PIP4P2: variants seen among roughly 807,000 people sequenced by gnomAD.
PIP4P2 encodes type 2 phosphatidylinositol 4,5-bisphosphate 4-phosphatase.
In PIP4P2, 19 loss-of-function variants were observed where a neutral mutation model predicts 33.3. The ratio of observed to expected loss-of-function variants is 0.57; its 90% confidence interval spans 0.40 to 0.84. The LOEUF (loss-of-function observed/expected upper bound fraction) is 0.84. Among genes scored for constraint, PIP4P2 ranks in the 40% least tolerant of loss-of-function variants. PIP4P2 has a pLI of 0.00. For synonymous variants in PIP4P2, 110 were observed against 111.9 expected, an observed-to-expected ratio of 0.98 and a Z score of 0.11; for missense variants, 270 against 324.7, an observed-to-expected ratio of 0.83 and a Z score of 1.29.
At chr8:91,029,770 A>G (rs781567275) in intron 1 of PIP4P2, among the ~76,000 whole-genome samples, 7 of 152,118 alleles carry the variant, frequency 4.6e-5, no homozygotes, top group Non-Finnish European at 1.0e-4. Flanking sequence ...GGAGATCGAG[A>G]CCATCCTGGC....
chr8:91,027,205 G>GA (rs1277968687), intron 1 of PIP4P2, among the ~76,000 whole-genome samples: 1 of 152,180 alleles, frequency 6.6e-6, no homozygotes, highest in African/African-American at 2.4e-5. Flanking sequence ...GTTTCTCATT[G>GA]AAAGTTGGGG....
rs1292382946 is a variant in PIP4P2 at position 90,995,145 on chromosome 8, G to A, written c.*532C>T. 6.6e-6 allele frequency: 1 copy of A among 150,502 alleles called. No individual in the cohort carries two copies. The highest frequency in any genetic ancestry group is 1.5e-5 in the Non-Finnish European group (1 of 67,304). 9.3% of individuals were successfully genotyped at this position (150,502 alleles called of 1,614,324 possible). Reference sequence around the variant, plus strand: ...AAATTTTTTTTCCTCTGACAAGAATGTCAAGTCTTTGAAGTTACACTAAAT... The same window carrying A: ...AAATTTTTTTTCCTCTGACAAGAATATCAAGTCTTTGAAGTTACACTAAAT... On this transcript the variant is annotated 3_prime_UTR_variant, in exon 7 of 7. Coordinates refer to ENST00000285419, the MANE Select transcript of PIP4P2 (RefSeq NM_018710.3).
In PIP4P2 at chr8:90,994,198, A is replaced by G. The variant is rs1177415195; in HGVS notation, c.*1479T>C. 1 of 152,166 alleles carries G rather than the reference A, an allele frequency of 6.6e-6. No individual in the cohort carries two copies. The highest frequency in any genetic ancestry group is 2.4e-5 in the African/African-American group (1 of 41,470). 9.4% of individuals were successfully genotyped at this position (152,166 alleles called of 1,614,324 possible). A position where few individuals can be genotyped will look rare whatever the true frequency, so the allele number is the denominator to read the frequency against. ...TAAAGAAACAGGTACATTCCTAAAC[A>G]TGAAAACTTTACAGCAAGATTTCAA... is the stretch of plus-strand genomic sequence containing the variant. On this transcript the variant is annotated 3_prime_UTR_variant, in exon 7 of 7. Transcript: ENST00000285419.
intron 3 of PIP4P2, 28 bp downstream of exon 3, chr8:91,020,129 A>C: frequency 6.2e-7 from 1 of 1,602,082 alleles, no homozygotes; most frequent in Non-Finnish European, 8.5e-7. Context: ...CAAATGAATG[A>C]ATCAATGAAT....
At chr8:91,003,980 T>TAGATA (rs1586175214) in intron 5 of PIP4P2, among the ~76,000 whole-genome samples, 1 of 151,552 alleles carries the variant, frequency 6.6e-6, no homozygotes, top group African/African-American at 2.4e-5. Flanking sequence ...GATAGATAGA[T>TAGATA]AGATAGATAG....
In PIP4P2 at chr8:91,022,797, A is replaced by C. The variant is rs573854998; in HGVS notation, c.107-1393T>G. Among the ~76,000 whole-genome samples, 15 of 152,290 alleles carry C rather than the reference A, an allele frequency of 9.8e-5. No individual in the cohort carries two copies. The South Asian group carries it at 1.4e-3, about 15-fold the overall frequency. On this transcript the variant is annotated intron_variant, in intron 1 of 6. Coordinates refer to ENST00000285419, the MANE Select transcript of PIP4P2 (RefSeq NM_018710.3). Reference sequence around the variant, plus strand: ...TTTTTTCAGACTGCTAAGGATTAGCAACAAGTGGTATTCGTTCAAATGATT... The same window carrying C: ...TTTTTTCAGACTGCTAAGGATTAGCCACAAGTGGTATTCGTTCAAATGATT...
intron 5 of PIP4P2, among the ~76,000 whole-genome samples, chr8:90,997,277 A>T (rs1297633683): frequency 1.3e-5 from 2 of 152,044 alleles, no homozygotes; most frequent in African/African-American, 2.4e-5. Flanking sequence ...ATATAGCATG[A>T]ACTTTTTCCC....
At chr8:91,000,381 C>G (rs548658978) in intron 5 of PIP4P2, among the ~76,000 whole-genome samples, 1 of 145,500 alleles carries the variant, frequency 6.9e-6, no homozygotes, top group Non-Finnish European at 1.5e-5. Flanking sequence ...TTCATATTCC[C>G]TAGTTCATCA....
chr8:90,996,935 G>A (rs1811636513), intron 5 of PIP4P2, among the ~76,000 whole-genome samples, 191 bp from the exon 6 acceptor site: 1 of 151,966 alleles, frequency 6.6e-6, no homozygotes, highest in African/African-American at 2.4e-5. Flanking sequence ...GGGTGAATTT[G>A]TGATATTATT....
intron 1 of PIP4P2, 77 bp downstream of exon 1, chr8:91,040,567 C>G: frequency 3.3e-6 from 5 of 1,538,354 alleles, no homozygotes; most frequent in Middle Eastern, 3.9e-4. Flanking sequence ...AGCTAGAGCT[C>G]CCAGGTCTTT....
At chr8:91,028,850 G>C (rs1489322301) in intron 1 of PIP4P2, among the ~76,000 whole-genome samples, 1 of 152,178 alleles carries the variant, frequency 6.6e-6, no homozygotes, top group Non-Finnish European at 1.5e-5. Context: ...TAAGGCCGCT[G>C]TATGAGCTCT....
chr8:91,036,459 T>C (rs1362861959), intron 1 of PIP4P2, among the ~76,000 whole-genome samples: 1 of 152,212 alleles, frequency 6.6e-6, no homozygotes, highest in Non-Finnish European at 1.5e-5. Flanking sequence ...GCCAGAATTC[T>C]AGGAGATACC....
chr8:90,995,344 C>T lies in PIP4P2; in HGVS notation c.*333G>A, dbSNP rs1811613770. 6.2e-6 allele frequency: 1 copy of T among 160,846 alleles called. No homozygotes were observed. Among genetic ancestry groups the T allele is most frequent in the Admixed American group, 6.5e-5 (1 of 15,462 alleles). 10.0% of individuals were successfully genotyped at this position (160,846 alleles called of 1,614,324 possible). On this transcript the variant is annotated 3_prime_UTR_variant, in exon 7 of 7. Coordinates refer to ENST00000285419, the MANE Select transcript of PIP4P2 (RefSeq NM_018710.3). ...AAATATTTATAAACACTTAGGAATACTCATGTATCAGCAAGTAATGAAATA... is the reference window on the plus strand; with the variant it reads ...AAATATTTATAAACACTTAGGAATATTCATGTATCAGCAAGTAATGAAATA...
intron 4 of PIP4P2, among the ~76,000 whole-genome samples, chr8:91,010,162 T>A (rs1469976511): frequency 1.3e-5 from 2 of 151,934 alleles, no homozygotes; most frequent in Non-Finnish European, 2.9e-5. Flanking sequence ...CTACAGAAAT[T>A]GGTATAGAAC....
intron 3 of PIP4P2, 113 bp downstream of exon 3, chr8:91,020,044 G>C (rs1217108352): frequency 9.3e-6 from 9 of 971,438 alleles, no homozygotes; most frequent in Non-Finnish European, 1.4e-5. Context: ...ATTCTGGAAT[G>C]ACTTTGAAAA....
intron 1 of PIP4P2, among the ~76,000 whole-genome samples, chr8:91,040,388 A>ACAACATCACCACCACCACCACCAC (rs1239746740): frequency 1.1e-3 from 171 of 149,816 alleles, no homozygotes; most frequent in Non-Finnish European, 1.9e-3. Context: ...ATACACACAC[A>ACAACATCACCACCACCACCACCAC]CACCATCACC....
intron 3 of PIP4P2, among the ~76,000 whole-genome samples, chr8:91,019,072 C>CA (rs1468267541): frequency 6.6e-6 from 1 of 151,434 alleles, no homozygotes; most frequent in Non-Finnish European, 1.5e-5. Context: ...AGAGAGATCA[C>CA]AGAAAAAAAA....
intron 5 of PIP4P2, among the ~76,000 whole-genome samples, chr8:90,999,603 T>C (rs1488240969): frequency 6.6e-6 from 1 of 152,054 alleles, no homozygotes; most frequent in Non-Finnish European, 1.5e-5. Flanking sequence ...CAAGACAGGC[T>C]AGGAAATCCA....
intron 5 of PIP4P2, among the ~76,000 whole-genome samples, chr8:90,997,938 A>T (rs1811650662): frequency 6.6e-6 from 1 of 152,110 alleles, no homozygotes; most frequent in Admixed American, 6.6e-5. Flanking sequence ...TATACATCGT[A>T]AATTTTCCTG....
Sources: gnomAD v4.1 joint callset for allele counts (sites outside exome capture counted in the v4.1 genomes callset) on GRCh38, gnomAD v4.1.1 for gene constraint, MANE v1.5 for transcripts, NCBI Gene and HGNC (gene_info 2026-07-23, HGNC 2026-07-21) for gene names.